ACSF3: variants seen among roughly 807,000 people sequenced by gnomAD.
ACSF3 encodes acyl-CoA synthetase family member 3.
In ACSF3, 78 loss-of-function variants were observed where a neutral mutation model predicts 53.2. The observed-to-expected ratio is 1.47, with a 90% confidence interval of 1.22 to 1.77. The LOEUF is 1.77. Among genes scored for constraint, ACSF3 ranks in the 40% most tolerant of loss-of-function variants. ACSF3 has a pLI of 0.00. For missense variants in ACSF3, 937 were observed against 771.1 expected (o/e 1.22, Z -2.55); for synonymous variants, 414 against 333.1 (o/e 1.24, Z -2.65).
At chr16:89,142,333 G>T (rs554317710) in intron 8 of ACSF3, among the ~76,000 whole-genome samples, 4 of 152,158 alleles carry the variant, frequency 2.6e-5, no homozygotes, top group Non-Finnish European at 5.9e-5. Flanking sequence ...CCCAAACAAG[G>T]CCTACAGCAG....
chr16:89,115,127 C>T (rs1041820182), intron 6 of ACSF3: 1 of 213,622 alleles, frequency 4.7e-6, no homozygotes. Flanking sequence ...CCCTTCCAGT[C>T]TGTCTAGAGT....
At chr16:89,151,399 A>G (rs578103943) in intron 10 of ACSF3, 6 of 361,728 alleles carry the variant, frequency 1.7e-5, no homozygotes, top group Non-Finnish European at 2.7e-5. Context: ...AACTCCCCGT[A>G]TGGGACCAGC....
intron 2 of ACSF3, among the ~76,000 whole-genome samples, chr16:89,099,387 CTG>C (rs373850721): frequency 1.2e-4 from 18 of 152,342 alleles, no homozygotes; most frequent in African/African-American, 4.3e-4. Context: ...TCGCTTCCTG[CTG>C]ATTTATTTGT....
At chr16:89,141,809 A>G (rs937973339) in intron 8 of ACSF3, among the ~76,000 whole-genome samples, 1 of 152,168 alleles carries the variant, frequency 6.6e-6, no homozygotes, top group Non-Finnish European at 1.5e-5. Context: ...GACTGCCACC[A>G]TGCACTGAGG....
intron 1 of ACSF3, 146 bp from the exon 2 acceptor site, chr16:89,098,445 A>C (rs536068803): frequency 5.7e-6 from 2 of 352,306 alleles, no homozygotes; most frequent in South Asian, 2.1e-5. Flanking sequence ...CGTTGTCGGG[A>C]GATAAGGCTC....
In ACSF3 at chr16:89,123,971, G is replaced by A. The variant is rs577425400; in HGVS notation, c.1239+3058G>A. On this transcript the variant is annotated intron_variant, in intron 7 of 10. Transcript: ENST00000614302. The stretch of plus-strand genomic sequence containing the variant: ...CGCAGTGTGCACACGGATAGCACAC[G>A]TAGTACGCATGGGTATCACATGCAG... Among the ~76,000 whole-genome samples, 177 of 151,900 alleles carry A rather than the reference G, an allele frequency of 1.2e-3. 2 individuals are homozygous for A. The highest frequency in any genetic ancestry group is 3.7e-3 in the African/African-American group (155 of 41,406).
intron 5 of ACSF3, 139 bp downstream of exon 5, chr16:89,112,385 C>A: frequency 1.9e-6 from 2 of 1,073,816 alleles, no homozygotes; most frequent in African/African-American, 1.6e-5. Context: ...TCTCTCTACC[C>A]GTCTCCGTCT....
At chr16:89,125,609 T>C (rs1907847073) in intron 7 of ACSF3, among the ~76,000 whole-genome samples, 1 of 151,902 alleles carries the variant, frequency 6.6e-6, no homozygotes, top group Non-Finnish European at 1.5e-5. Flanking sequence ...AAGAATTGTT[T>C]GAGCCTGGGA....
intron 8 of ACSF3, among the ~76,000 whole-genome samples, chr16:89,139,818 C>A (rs920338330): frequency 1.3e-5 from 2 of 152,068 alleles, no homozygotes; most frequent in Admixed American, 1.3e-4. Flanking sequence ...TGGTCTCGAT[C>A]TCCTGACCTC....
At chr16:89,133,734 C>G (rs1909829229) in intron 8 of ACSF3, among the ~76,000 whole-genome samples, 1 of 152,252 alleles carries the variant, frequency 6.6e-6, no homozygotes, top group African/African-American at 2.4e-5. Flanking sequence ...AGTCAGAAGT[C>G]AGCTGACGCA....
chr16:89,143,052 T>G (rs1011067526), intron 8 of ACSF3, among the ~76,000 whole-genome samples: 1 of 152,198 alleles, frequency 6.6e-6, no homozygotes, highest in South Asian at 2.1e-4. Context: ...GGAAGAAAAT[T>G]GCTCCATAAA....
Position 89,115,809 on chromosome 16 carries a change from C to T in ACSF3, c.1126+1322C>T, listed in dbSNP as rs1471113226. On this transcript the variant is annotated intron_variant, in intron 6 of 10. Coordinates refer to ENST00000614302, the MANE Select transcript of ACSF3 (RefSeq NM_001243279.3). ...TTCTCTCATGATGGGTGGCGTTGAG[C>T]ACCTCTTCCTGTTCGTGTCATTCCG... Among the ~76,000 whole-genome samples the T allele has an allele frequency of 4.6e-5, 7 of 152,296 alleles. No individual in the cohort carries two copies. In the South Asian group the frequency reaches 1.0e-3, roughly 23 times the overall value.
chr16:89,120,493 T>A (rs569976269), intron 6 of ACSF3, among the ~76,000 whole-genome samples: 1 of 152,310 alleles, frequency 6.6e-6, no homozygotes, highest in Non-Finnish European at 1.5e-5. Flanking sequence ...ACTGGGAAAG[T>A]GATGTATGAG....
At chr16:89,114,779 G>A (rs974218493) in intron 6 of ACSF3, 12 of 469,842 alleles carry the variant, frequency 2.6e-5, no homozygotes, top group Admixed American at 3.2e-5. Flanking sequence ...GAATGCAGGC[G>A]TCAGTGCATG....
intron 8 of ACSF3, among the ~76,000 whole-genome samples, chr16:89,142,526 CCTGCAGACACACCCACA>C (rs1911977987): frequency 1.2e-5 from 1 of 81,422 alleles, no homozygotes. Flanking sequence ...CATACCCACA[CCTGCAGACACACCCACA>C]CCTGCAGACA....
intron 8 of ACSF3, among the ~76,000 whole-genome samples, chr16:89,137,212 C>T (rs1339474068): frequency 6.6e-6 from 1 of 151,818 alleles, no homozygotes; most frequent in African/African-American, 2.4e-5. Context: ...AACCGAACTC[C>T]TTAGAGAAGA....
chr16:89,137,871 T>G (rs1567734773), intron 8 of ACSF3, among the ~76,000 whole-genome samples: 1 of 152,176 alleles, frequency 6.6e-6, no homozygotes, highest in East Asian at 1.9e-4. Context: ...ACTAGCTTAC[T>G]TGTCACCCTG....
intron 7 of ACSF3, among the ~76,000 whole-genome samples, chr16:89,126,973 T>C (rs1164327271): frequency 2.7e-5 from 4 of 147,360 alleles, no homozygotes; most frequent in Non-Finnish European, 6.0e-5. Context: ...GTTGAATATT[T>C]TCAAAAAGCT....
intron 8 of ACSF3, among the ~76,000 whole-genome samples, chr16:89,142,921 A>G (rs571218801): frequency 2.4e-4 from 37 of 152,376 alleles, no homozygotes; most frequent in Non-Finnish European, 1.3e-4. Flanking sequence ...CCTTGTATTC[A>G]TAAATTAAGC....
Sources: gnomAD v4.1 joint callset for allele counts (sites outside exome capture counted in the v4.1 genomes callset) on GRCh38, gnomAD v4.1.1 for gene constraint, MANE v1.5 for transcripts, NCBI Gene and HGNC (gene_info 2026-07-23, HGNC 2026-07-21) for gene names.